The following TNNI3K variants were observed in gnomAD, a reference collection of about 807,000 sequenced individuals.
TNNI3K encodes the protein TNNI3 interacting kinase, also known as serine/threonine-protein kinase TNNI3K.
Under a neutral mutation model 114.5 loss-of-function variants are expected in TNNI3K, and 140 were observed. The observed-to-expected ratio is 1.22, with a 90% CI of 1.07 to 1.41. The LOEUF (loss-of-function observed/expected upper bound fraction) is 1.41, where lower values mean the gene tolerates loss of function less well. Among genes scored for constraint, TNNI3K ranks in the 40% most tolerant of loss-of-function variants. The probability of loss-of-function intolerance (pLI) is 0.00; values close to 1 mark genes in which losing one functional copy is unlikely to be tolerated. For synonymous variants in TNNI3K, 347 were observed against 347.5 expected (o/e 1.00, Z 0.02); for missense variants, 1,125 against 1,007.6 (o/e 1.12, Z -1.58).
intron 5 of TNNI3K, among the ~76,000 whole-genome samples, chr1:74,320,129 CTAT>C (rs1196628566): frequency 6.6e-6 from 1 of 152,134 alleles, no homozygotes; most frequent in South Asian, 2.1e-4. Flanking sequence ...TTGTAGGCTT[CTAT>C]TATTTAGCCA....
At chr1:74,511,268 C>G (rs562742712) in intron 23 of TNNI3K, among the ~76,000 whole-genome samples, 1 of 152,050 alleles carries the variant, frequency 6.6e-6, no homozygotes, top group South Asian at 2.1e-4. Context: ...TCTCGGCTCA[C>G]CACAACCTCT....
chr1:74,257,784 C>G (rs887626226), intron 4 of TNNI3K, among the ~76,000 whole-genome samples: 1 of 150,736 alleles, frequency 6.6e-6, no homozygotes, highest in Non-Finnish European at 1.5e-5. Context: ...TCTTCTGCCT[C>G]AGCCTCCGGA....
At chr1:74,426,001 AT>A (rs200659311) in intron 17 of TNNI3K, among the ~76,000 whole-genome samples, 453 of 22,940 alleles carry the variant, frequency 0.02, 3 homozygotes, top group African/African-American at 0.077. Context: ...GGTTCAGTGA[AT>A]TTAAAAAAAA....
chr1:74,452,937 A>T (rs894858044), intron 20 of TNNI3K, among the ~76,000 whole-genome samples: 1 of 151,816 alleles, frequency 6.6e-6, no homozygotes, highest in African/African-American at 2.4e-5. Flanking sequence ...CATTACAGCA[A>T]CTCCAATTTA....
chr1:74,341,955 A>G (rs573424826), intron 7 of TNNI3K: 25 of 152,288 alleles, frequency 1.6e-4, no homozygotes, highest in African/African-American at 6.0e-4. Context: ...TGTTGATTGG[A>G]GGAGTCTACA....
At chr1:74,243,761 T>A (rs942950824) in intron 2 of TNNI3K, among the ~76,000 whole-genome samples, 3 of 152,170 alleles carry the variant, frequency 2.0e-5, no homozygotes, top group Non-Finnish European at 4.4e-5. Flanking sequence ...TTTTAATGAT[T>A]AAGAACAGCA....
chr1:74,308,017 C>T (rs1323323648), intron 5 of TNNI3K, among the ~76,000 whole-genome samples: 1 of 151,352 alleles, frequency 6.6e-6, no homozygotes, highest in Non-Finnish European at 1.5e-5. Flanking sequence ...AGCCTGGAGA[C>T]AGAGCAAGAC....
At chr1:74,346,849 T>C (rs536825683) in intron 9 of TNNI3K, among the ~76,000 whole-genome samples, 1 of 151,944 alleles carries the variant, frequency 6.6e-6, no homozygotes, top group Non-Finnish European at 1.5e-5. Context: ...GATGGCTGCC[T>C]TCTTGCTGTG....
At chr1:74,496,999 T>C (rs1395559208) in intron 23 of TNNI3K, among the ~76,000 whole-genome samples, 1 of 152,114 alleles carries the variant, frequency 6.6e-6, no homozygotes, top group Non-Finnish European at 1.5e-5. Flanking sequence ...GGATCCAGAG[T>C]TTGGAACTGT....
At chr1:74,244,673 G>A (rs371771273) in intron 2 of TNNI3K, among the ~76,000 whole-genome samples, 18 of 148,988 alleles carry the variant, frequency 1.2e-4, no homozygotes, top group African/African-American at 4.0e-4. Flanking sequence ...CAAAGGATCC[G>A]GGATTTAGTG....
chr1:74,442,549 G>T (rs532827621), intron 20 of TNNI3K, among the ~76,000 whole-genome samples: 1 of 152,182 alleles, frequency 6.6e-6, no homozygotes, highest in East Asian at 1.9e-4. Flanking sequence ...AATTTGGGAA[G>T]AATGAACATC....
intron 17 of TNNI3K, among the ~76,000 whole-genome samples, chr1:74,435,837 G>A (rs561475020): frequency 1.3e-4 from 19 of 151,880 alleles, no homozygotes; most frequent in African/African-American, 4.6e-4. Flanking sequence ...AAGTTTAGAG[G>A]GTTTGTCTAA....
intron 23 of TNNI3K, among the ~76,000 whole-genome samples, chr1:74,493,075 C>A (rs926777466): frequency 6.6e-6 from 1 of 152,116 alleles, no homozygotes. Context: ...TCCTTAAAGG[C>A]CTTCTCTCCA....
intron 5 of TNNI3K, among the ~76,000 whole-genome samples, chr1:74,318,812 G>A (rs563470322): frequency 3.3e-5 from 5 of 152,310 alleles, no homozygotes; most frequent in South Asian, 2.1e-4. Flanking sequence ...TAGCACAGTG[G>A]TTAGAATAGC....
chr1:74,371,916 G>A (rs755024925), intron 17 of TNNI3K: 3 of 151,476 alleles, frequency 2.0e-5, no homozygotes, highest in African/African-American at 4.8e-5. Context: ...AAGAAGTAAC[G>A]AAAAGCAGAA....
chr1:74,475,292 C>T (rs1385315781), intron 21 of TNNI3K: 2 of 634,656 alleles, frequency 3.2e-6, no homozygotes, highest in Non-Finnish European at 5.8e-6. Context: ...AAGACAAACT[C>T]ACCTTCTGTT....
At chr1:74,394,105 A>G (rs1195366089) in intron 17 of TNNI3K, among the ~76,000 whole-genome samples, 2 of 152,220 alleles carry the variant, frequency 1.3e-5, no homozygotes, top group Non-Finnish European at 2.9e-5. Flanking sequence ...ATATTGATCA[A>G]AATGGTTGCA....
chr1:74,346,138 T>C (rs1443915901), intron 9 of TNNI3K: 3 of 152,312 alleles, frequency 2.0e-5, no homozygotes, highest in South Asian at 2.1e-4. Flanking sequence ...GTTTTATAGA[T>C]GGTAAAACTA....
chr1:74,268,413 A>G (rs1656142962), intron 4 of TNNI3K, among the ~76,000 whole-genome samples: 1 of 151,900 alleles, frequency 6.6e-6, no homozygotes, highest in East Asian at 1.9e-4. Context: ...CTGGCAGCCT[A>G]TCCATGGCTA....
Sources: allele counts gnomAD v4.1 joint callset (sites outside exome capture counted in the v4.1 genomes callset), GRCh38; gene constraint gnomAD v4.1.1; transcripts MANE v1.5; gene names NCBI Gene and HGNC (gene_info 2026-07-23, HGNC 2026-07-21).